MAGI3: variants seen among roughly 807,000 people sequenced by gnomAD.
MAGI3 encodes the protein membrane associated guanylate kinase, WW and PDZ domain containing 3, also known as membrane-associated guanylate kinase, WW and PDZ domain-containing protein 3.
A neutral mutation model predicts 121.8 loss-of-function variants in MAGI3; 43 were observed. The ratio of observed to expected loss-of-function variants is 0.35; its 90% CI spans 0.28 to 0.46. MAGI3 has a LOEUF of 0.46. MAGI3 is among the 20% of genes least tolerant of loss of function. The pLI is 1.00. For synonymous variants in MAGI3, 553 were observed against 639.3 expected, an observed-to-expected ratio of 0.86 and a Z score of 2.04; for missense variants, 1,547 against 1,797.3, an observed-to-expected ratio of 0.86 and a Z score of 2.52.
Position 113,651,031 on chromosome 1 carries a change from T to C in MAGI3, c.2265T>C (p.Ile755=). ...GPDQSIYIGA[I]IPLGAAEKDG... ...CTTATCAGATATATATTGGGGCTAT[T>C]ATTCCCCTGGGAGCAGCTGAGAAAG... Residue 755 remains isoleucine (I), a synonymous_variant, in exon 14 of 21, where the codon ATT becomes ATC. Transcript: ENST00000307546. The C allele has an allele frequency of 6.2e-7, 1 of 1,614,028 alleles. No homozygotes were observed. The highest frequency in any genetic ancestry group is 8.5e-7 in the Non-Finnish European group (1 of 1,179,956).
In MAGI3 at chr1:113,600,021, G is replaced by A. The variant is rs978955167; in HGVS notation, c.1018+5461G>A. Among the ~76,000 whole-genome samples the A allele has an allele frequency of 5.3e-5, 8 of 152,062 alleles. No homozygotes were observed. The South Asian group carries it at 6.2e-4, about 12-fold the overall frequency. ...AAAAGGCCTTTGAAAAAATTCAACA[G>A]CCCTTCATGCTAAAAACTCTCAATA... On this transcript the variant is annotated intron_variant, in intron 6 of 20. Transcript: ENST00000307546.
chr1:113,452,455 TACACACAC>T (rs4026203), intron 1 of MAGI3, among the ~76,000 whole-genome samples: 56 of 147,206 alleles, frequency 3.8e-4, no homozygotes, highest in Middle Eastern at 6.8e-3. Flanking sequence ...TGCATAGACA[TACACACAC>T]ACACACACAC....
chr1:113,555,116 G>A (rs1414944048), intron 2 of MAGI3, among the ~76,000 whole-genome samples: 62 of 148,780 alleles, frequency 4.2e-4, no homozygotes, highest in Non-Finnish European at 8.6e-4. Flanking sequence ...CATGCTGCAA[G>A]GAAAAAAAAA....
At chr1:113,547,422 T>C (rs1659588183) in intron 1 of MAGI3, among the ~76,000 whole-genome samples, 1 of 152,192 alleles carries the variant, frequency 6.6e-6, no homozygotes, top group Admixed American at 6.5e-5. Flanking sequence ...TAGCAGATAT[T>C]TAGATGTCGG....
chr1:113,441,231 A>T (rs1653897065), intron 1 of MAGI3, among the ~76,000 whole-genome samples: 1 of 152,110 alleles, frequency 6.6e-6, no homozygotes, highest in Non-Finnish European at 1.5e-5. Context: ...ACTCAGTGAA[A>T]ACAAAGGGAT....
intron 1 of MAGI3, chr1:113,450,723 G>C (rs1366376888): frequency 3.6e-6 from 4 of 1,121,750 alleles, no homozygotes; most frequent in Non-Finnish European, 5.4e-6. Flanking sequence ...TATGGTAGCA[G>C]AAGGTTCGAA....
chr1:113,546,792 A>C (rs1053281984), intron 1 of MAGI3, among the ~76,000 whole-genome samples: 3 of 151,710 alleles, frequency 2.0e-5, no homozygotes, highest in Non-Finnish European at 2.9e-5. Context: ...CCCTTAAAAC[A>C]AGAATTGAGG....
At chr1:113,559,228 T>C (rs1660123546) in intron 2 of MAGI3, among the ~76,000 whole-genome samples, 1 of 152,192 alleles carries the variant, frequency 6.6e-6, no homozygotes, top group Admixed American at 6.5e-5. Context: ...ATAAATGGGC[T>C]AAATGCCCCA....
intron 1 of MAGI3, among the ~76,000 whole-genome samples, chr1:113,526,497 G>A (rs568152802): frequency 2.0e-4 from 31 of 152,350 alleles, no homozygotes; most frequent in African/African-American, 7.2e-4. Flanking sequence ...TTTGAGGAAT[G>A]TCAGAATGAC....
rs142142377 is a variant in MAGI3 at position 113,483,343 on chromosome 1, C to G, written c.317-66172C>G. ...AACCTAATCCCCAATATGATGATATCTGGGGATTGAGGCTTTGGGAGGTAA... is the reference window on the plus strand; with the variant it reads ...AACCTAATCCCCAATATGATGATATGTGGGGATTGAGGCTTTGGGAGGTAA... On this transcript the variant is annotated intron_variant, in intron 1 of 20. Transcript: ENST00000307546. 3.7e-3 allele frequency among the ~76,000 whole-genome samples: 564 copies of G among 152,250 alleles called. 1 individual carries two copies. Among genetic ancestry groups the G allele is most frequent in the Middle Eastern group, 6.8e-3 (2 of 294 alleles).
intron 2 of MAGI3, among the ~76,000 whole-genome samples, chr1:113,564,150 C>T (rs575560228): frequency 7.1e-4 from 108 of 152,286 alleles, no homozygotes; most frequent in Non-Finnish European, 1.2e-3. Flanking sequence ...GTACTAGTAG[C>T]GCTCCCAGGA....
intron 9 of MAGI3, among the ~76,000 whole-genome samples, chr1:113,623,494 ATAT>A (rs1267304948): frequency 0.016 from 565 of 35,088 alleles, 3 homozygotes; most frequent in African/African-American, 0.061. Context: ...ACACATATAT[ATAT>A]TTTTTTTTGA....
intron 1 of MAGI3, among the ~76,000 whole-genome samples, chr1:113,488,726 C>G (rs1233267171): frequency 6.6e-6 from 1 of 152,170 alleles, no homozygotes; most frequent in Non-Finnish European, 1.5e-5. Context: ...CAGGCAGAGC[C>G]TTGGCAGACA....
intron 1 of MAGI3, among the ~76,000 whole-genome samples, chr1:113,473,772 G>A (rs959101661): frequency 6.6e-6 from 1 of 152,170 alleles, no homozygotes; most frequent in Non-Finnish European, 1.5e-5. Flanking sequence ...AATCCTTTGG[G>A]TATATACCCA....
At chr1:113,523,157 G>A (rs771136933) in intron 1 of MAGI3, among the ~76,000 whole-genome samples, 4 of 152,040 alleles carry the variant, frequency 2.6e-5, no homozygotes, top group Admixed American at 6.6e-5. Context: ...TTCACCTTCC[G>A]CCGTGACTGT....
chr1:113,492,557 G>A (rs1455454092), intron 1 of MAGI3, among the ~76,000 whole-genome samples: 2 of 152,122 alleles, frequency 1.3e-5, no homozygotes, highest in Admixed American at 1.3e-4. Flanking sequence ...TCAGGGCAAT[G>A]AGGCAAGAGA....
At chr1:113,579,037 A>G (rs1005689926) in intron 2 of MAGI3, among the ~76,000 whole-genome samples, 2 of 152,204 alleles carry the variant, frequency 1.3e-5, no homozygotes, top group Admixed American at 6.5e-5. Flanking sequence ...AGAGTTTCCC[A>G]TGAATTAACT....
At chr1:113,449,157 AATAATGTG>A (rs1654336020) in intron 1 of MAGI3, among the ~76,000 whole-genome samples, 1 of 152,164 alleles carries the variant, frequency 6.6e-6, no homozygotes. Context: ...ATCAGGGGGC[AATAATGTG>A]ATATGCTGGA....
intron 2 of MAGI3, among the ~76,000 whole-genome samples, chr1:113,566,270 A>G (rs1177824847): frequency 6.6e-6 from 1 of 152,216 alleles, no homozygotes; most frequent in Non-Finnish European, 1.5e-5. Context: ...ATATATGTCT[A>G]CCCAAAGTCA....
Sources: gnomAD v4.1 joint callset for allele counts (sites outside exome capture counted in the v4.1 genomes callset) on GRCh38, gnomAD v4.1.1 for gene constraint, MANE v1.5 for transcripts, NCBI Gene and HGNC (gene_info 2026-07-23, HGNC 2026-07-21) for gene names.